Variants in FBXL17 observed in about 807,000 individuals in gnomAD.
FBXL17 encodes the protein F-box/LRR-repeat protein 17.
Under a neutral mutation model 66.2 loss-of-function variants are expected in FBXL17, and 22 were observed. The observed-to-expected ratio is 0.33, with a 90% CI of 0.24 to 0.47. FBXL17 has a LOEUF of 0.47. FBXL17 is among the 20% of genes least tolerant of loss of function. The pLI is 1.00. For missense variants in FBXL17, 878 were observed against 948.2 expected, an observed-to-expected ratio of 0.93 and a Z score of 0.97; for synonymous variants, 474 against 400.5, an observed-to-expected ratio of 1.18 and a Z score of -2.19.
At chr5:108,151,672 AT>A in intron 6 of FBXL17, among the ~76,000 whole-genome samples, 1 of 152,212 alleles carries the variant, frequency 6.6e-6, no homozygotes, top group East Asian at 1.9e-4. Context: ...AATGTTACCC[AT>A]AAAAATCAAA....
chr5:108,164,996 T>C (rs1752360392), intron 6 of FBXL17, among the ~76,000 whole-genome samples: 1 of 152,186 alleles, frequency 6.6e-6, no homozygotes, highest in Admixed American at 6.5e-5. Flanking sequence ...GGCATAGGTA[T>C]GGAGAAAGAG....
At chr5:108,241,358 C>T (rs1209308628) in intron 4 of FBXL17, among the ~76,000 whole-genome samples, 2 of 151,910 alleles carry the variant, frequency 1.3e-5, no homozygotes, top group African/African-American at 4.8e-5. Context: ...ATGCAATTGG[C>T]ATACTGAAGA....
Position 108,381,996 on chromosome 5 carries a change from G to A in FBXL17, c.-305C>T, listed in dbSNP as rs966579529. ...CGGCTAGGCGACCAGTCCGGGCCCG[G>A]CCAGCCGGCTCAGTCAGTCAGCGGA... On this transcript the variant is annotated 5_prime_UTR_variant, in exon 1 of 9. Coordinates refer to ENST00000542267, the MANE Select transcript of FBXL17 (RefSeq NM_001163315.3). 3.8e-5 allele frequency: 44 copies of A among 1,167,388 alleles called. No individual in the cohort carries two copies. The highest frequency in any genetic ancestry group is 6.8e-4 in the Middle Eastern group (2 of 2,954). The allele number at this position is 1,167,388 out of a possible 1,614,324, so 72.3% of individuals were successfully genotyped here.
intron 4 of FBXL17, among the ~76,000 whole-genome samples, chr5:108,229,721 CTTAA>C (rs1302418527): frequency 6.6e-6 from 1 of 151,990 alleles, no homozygotes; most frequent in African/African-American, 2.4e-5. Flanking sequence ...ATAGGTGGGG[CTTAA>C]TTAAACTAAA....
intron 6 of FBXL17, among the ~76,000 whole-genome samples, chr5:108,036,528 C>T (rs1253973021): frequency 6.6e-6 from 1 of 152,174 alleles, no homozygotes; most frequent in African/African-American, 2.4e-5. Context: ...ATACCATATA[C>T]ATTGCCTCCA....
intron 1 of FBXL17, among the ~76,000 whole-genome samples, chr5:108,374,356 T>C (rs1749274765): frequency 6.6e-6 from 1 of 152,090 alleles, no homozygotes; most frequent in Non-Finnish European, 1.5e-5. Context: ...TCTTTTCCAA[T>C]GACAATGAAA....
At chr5:108,052,286 A>G (rs1747516349) in intron 6 of FBXL17, among the ~76,000 whole-genome samples, 1 of 152,210 alleles carries the variant, frequency 6.6e-6, no homozygotes, top group Admixed American at 6.5e-5. Flanking sequence ...TGCAGATTAC[A>G]TGACTCTATA....
intron 4 of FBXL17, among the ~76,000 whole-genome samples, chr5:108,247,786 T>C (rs1756171134): frequency 6.6e-6 from 1 of 152,204 alleles, no homozygotes; most frequent in African/African-American, 2.4e-5. Context: ...ATCTACATGA[T>C]ACTTGTGAGT....
chr5:108,203,091 A>C (rs2150051245), intron 5 of FBXL17, among the ~76,000 whole-genome samples: 1 of 152,274 alleles, frequency 6.6e-6, no homozygotes, highest in Non-Finnish European at 1.5e-5. Flanking sequence ...TCATAAAATT[A>C]TTGTATCTTA....
chr5:107,935,914 G>C (rs1047507072), intron 7 of FBXL17, among the ~76,000 whole-genome samples: 1 of 152,124 alleles, frequency 6.6e-6, no homozygotes, highest in Non-Finnish European at 1.5e-5. Flanking sequence ...AATTAGAACT[G>C]TTTGCAAGCT....
Position 108,382,095 on chromosome 5 carries a change from C to T in FBXL17, c.-404G>A, listed in dbSNP as rs1273507129. 6 of 437,418 alleles carry T rather than the reference C, an allele frequency of 1.4e-5. No individual in the cohort carries two copies. Among genetic ancestry groups the T allele is most frequent in the Non-Finnish European group, 1.8e-5 (6 of 325,614 alleles). 27.1% of individuals were successfully genotyped at this position (437,418 alleles called of 1,614,324 possible). A position where few individuals can be genotyped will look rare whatever the true frequency, so the allele number is the denominator to read the frequency against. On this transcript the variant is annotated 5_prime_UTR_variant, in exon 1 of 9. Coordinates refer to ENST00000542267, the MANE Select transcript of FBXL17 (RefSeq NM_001163315.3). Reference sequence around the variant, plus strand: ...CCGCCGCCGGCGCGCGCACCCGCGACTCTGCTCGGAGCCGCAGGAGCGCGC... The same window carrying T: ...CCGCCGCCGGCGCGCGCACCCGCGATTCTGCTCGGAGCCGCAGGAGCGCGC...
intron 7 of FBXL17, among the ~76,000 whole-genome samples, chr5:107,952,980 C>T (rs1035888643): frequency 6.6e-6 from 1 of 152,174 alleles, no homozygotes; most frequent in Non-Finnish European, 1.5e-5. Flanking sequence ...TATTCCTCCC[C>T]TCTCACAGGT....
At chr5:107,949,448 T>C (rs1452691377) in intron 7 of FBXL17, among the ~76,000 whole-genome samples, 3 of 152,160 alleles carry the variant, frequency 2.0e-5, no homozygotes, top group Non-Finnish European at 4.4e-5. Flanking sequence ...ATTTCAAATA[T>C]TTGAAAAATC....
intron 7 of FBXL17, among the ~76,000 whole-genome samples, chr5:107,965,663 C>A (rs1752099646): frequency 6.6e-6 from 1 of 152,120 alleles, no homozygotes; most frequent in Admixed American, 6.6e-5. Flanking sequence ...TTTAAACATA[C>A]CCTGTTCCAT....
chr5:108,318,113 G>A (rs1274223023), intron 4 of FBXL17, among the ~76,000 whole-genome samples: 1 of 151,404 alleles, frequency 6.6e-6, no homozygotes, highest in Non-Finnish European at 1.5e-5. Context: ...TCAACATTAT[G>A]TTTCCTAATA....
At chr5:108,250,224 T>C (rs1756286351) in intron 4 of FBXL17, among the ~76,000 whole-genome samples, 1 of 152,140 alleles carries the variant, frequency 6.6e-6, no homozygotes, top group Admixed American at 6.6e-5. Context: ...TTCATGTGAA[T>C]GGGGCCAACG....
In FBXL17 at chr5:108,172,421, G is replaced by A. The variant is rs556524257; in HGVS notation, c.1745+13696C>T. 2.4e-4 allele frequency among the ~76,000 whole-genome samples: 37 copies of A among 152,262 alleles called. 1 individual carries two copies. The South Asian group carries it at 7.0e-3, about 29-fold the overall frequency. Reference sequence around the variant, plus strand: ...ACCTTTTGATGGGAGGACAGGCAACGTCATATTGCACAAAAGAGTGCGTAT... The same window carrying A: ...ACCTTTTGATGGGAGGACAGGCAACATCATATTGCACAAAAGAGTGCGTAT... On this transcript the variant is annotated intron_variant, in intron 6 of 8. Coordinates refer to ENST00000542267, the MANE Select transcript of FBXL17 (RefSeq NM_001163315.3).
intron 5 of FBXL17, among the ~76,000 whole-genome samples, chr5:108,220,135 C>T (rs1459023759): frequency 1.3e-5 from 2 of 151,922 alleles, no homozygotes. Flanking sequence ...TTTCAAAATA[C>T]TTTCTAATTT....
intron 7 of FBXL17, among the ~76,000 whole-genome samples, chr5:107,929,815 A>G (rs1029921658): frequency 1.1e-4 from 16 of 152,190 alleles, no homozygotes; most frequent in African/African-American, 3.4e-4. Context: ...GACCACTCCA[A>G]AAAGGACAGA....
Sources: allele counts gnomAD v4.1 joint callset (sites outside exome capture counted in the v4.1 genomes callset), GRCh38; gene constraint gnomAD v4.1.1; transcripts MANE v1.5; gene names NCBI Gene and HGNC (gene_info 2026-07-23, HGNC 2026-07-21).